The following PALM2AKAP2 variants were observed in gnomAD, a reference collection of about 807,000 sequenced individuals.
The protein encoded by PALM2AKAP2 is PALM2 and AKAP2 fusion, also known as PALM2-AKAP2 fusion protein.
In PALM2AKAP2, 37 loss-of-function variants were observed where a neutral mutation model predicts 71.5. The observed-to-expected ratio is 0.52, with a 90% CI of 0.40 to 0.68. The LOEUF is 0.68. PALM2AKAP2 is among the 30% of genes least tolerant of loss of function. PALM2AKAP2 has a pLI of 0.00. For missense variants in PALM2AKAP2, 1,224 were observed against 1,191.8 expected (o/e 1.03, Z -0.40); for synonymous variants, 468 against 478.8 (o/e 0.98, Z 0.29).
At chr9:109,803,195 A>G (rs1246547405) in intron 1 of PALM2AKAP2, among the ~76,000 whole-genome samples, 1 of 152,270 alleles carries the variant, frequency 6.6e-6, no homozygotes, top group Non-Finnish European at 1.5e-5. Context: ...GAGGAAACAC[A>G]ATAGCATATC....
intron 6 of PALM2AKAP2, among the ~76,000 whole-genome samples, chr9:110,005,830 G>A (rs1034808842): frequency 5.9e-5 from 9 of 152,200 alleles, no homozygotes; most frequent in South Asian, 2.1e-4. Flanking sequence ...TGAGCCAGGC[G>A]TGGGATACAA....
chr9:110,093,034 G>A (rs1588104475), intron 1 of PALM2AKAP2, among the ~76,000 whole-genome samples: 1 of 152,150 alleles, frequency 6.6e-6, no homozygotes, highest in East Asian at 1.9e-4. Flanking sequence ...AGACCACGGT[G>A]CAGAATGAAG....
chr9:110,118,041 C>T (rs1436846015), intron 1 of PALM2AKAP2, among the ~76,000 whole-genome samples: 1 of 148,434 alleles, frequency 6.7e-6, no homozygotes, highest in East Asian at 2.0e-4. Context: ...ATTTCTACTA[C>T]AGCCATGGAG....
intron 7 of PALM2AKAP2, among the ~76,000 whole-genome samples, chr9:110,017,530 T>A (rs1833002606): frequency 6.6e-6 from 1 of 152,154 alleles, no homozygotes; most frequent in Non-Finnish European, 1.5e-5. Context: ...CGAAGGGGAA[T>A]GGGTGCCAAT....
intron 6 of PALM2AKAP2, among the ~76,000 whole-genome samples, chr9:109,999,183 A>G (rs1245137320): frequency 6.6e-6 from 1 of 151,996 alleles, no homozygotes; most frequent in African/African-American, 2.4e-5. Flanking sequence ...TACTAAAAAT[A>G]CAAAAATTGG....
chr9:109,758,283 T>G (rs1828997110), intron 1 of PALM2AKAP2, among the ~76,000 whole-genome samples: 1 of 152,150 alleles, frequency 6.6e-6, no homozygotes, highest in Non-Finnish European at 1.5e-5. Context: ...GACATTCATT[T>G]GCTATTAGAA....
At chr9:109,664,941 A>C (rs751234908) in intron 1 of PALM2AKAP2, among the ~76,000 whole-genome samples, 1 of 152,058 alleles carries the variant, frequency 6.6e-6, no homozygotes, top group Non-Finnish European at 1.5e-5. Flanking sequence ...TTTGATCTTC[A>C]GTCACTGATA....
intron 1 of PALM2AKAP2, among the ~76,000 whole-genome samples, chr9:109,691,855 TATATATATATATACACACACACACAC>T (rs1430943257): frequency 0.08 from 3,574 of 44,526 alleles, 122 homozygotes; most frequent in East Asian, 0.14. Context: ...TATATATATA[TATATATATATATACACACACACACAC>T]ATATATATAT....
intron 1 of PALM2AKAP2, among the ~76,000 whole-genome samples, chr9:109,814,032 C>T (rs1454587716): frequency 6.6e-6 from 1 of 152,210 alleles, no homozygotes; most frequent in Non-Finnish European, 1.5e-5. Context: ...TTGACCCTAC[C>T]TTTGGCCCTT....
At chr9:109,806,215 C>G (rs530525492) in intron 1 of PALM2AKAP2, among the ~76,000 whole-genome samples, 1 of 152,260 alleles carries the variant, frequency 6.6e-6, no homozygotes, top group East Asian at 1.9e-4. Context: ...AACATAAAAA[C>G]AATTTTCTTT....
intron 1 of PALM2AKAP2, among the ~76,000 whole-genome samples, chr9:109,818,073 G>C (rs1382720054): frequency 1.3e-5 from 2 of 152,196 alleles, no homozygotes; most frequent in Non-Finnish European, 2.9e-5. Flanking sequence ...TCCTAGTGGA[G>C]GGAATTTCTT....
intron 1 of PALM2AKAP2, among the ~76,000 whole-genome samples, chr9:109,806,818 A>G (rs967929662): frequency 6.6e-6 from 1 of 152,210 alleles, no homozygotes; most frequent in African/African-American, 2.4e-5. Context: ...GGGCTGGATT[A>G]TGAAGGCATC....
intron 1 of PALM2AKAP2, among the ~76,000 whole-genome samples, chr9:110,087,861 T>C (rs1834609539): frequency 6.6e-6 from 1 of 151,986 alleles, no homozygotes; most frequent in African/African-American, 2.4e-5. Flanking sequence ...CACAGAGCCA[T>C]TTGGAGTGGT....
chr9:109,744,135 C>A (rs943044924), intron 1 of PALM2AKAP2, among the ~76,000 whole-genome samples: 1 of 152,062 alleles, frequency 6.6e-6, no homozygotes, highest in Non-Finnish European at 1.5e-5. Flanking sequence ...CAGAGAAGAA[C>A]TGAATAATGA....
Position 110,015,826 on chromosome 9 carries a change from T to C in PALM2AKAP2, c.497-128T>C, listed in dbSNP as rs1832971053. 6.2e-6 allele frequency: 5 copies of C among 812,278 alleles called. No individual in the cohort carries two copies. The South Asian group carries it at 7.7e-5, about 12-fold the overall frequency. The allele number at this position is 812,278 out of a possible 1,614,324, so 50.3% of individuals were successfully genotyped here. A position where few individuals can be genotyped will look rare whatever the true frequency, so the allele number is the denominator to read the frequency against. ...CCTAGCCCAGTAACTGCAAGATAGGTATAGAGCTATAGGTCATCATCAGCT... is the reference window on the plus strand; with the variant it reads ...CCTAGCCCAGTAACTGCAAGATAGGCATAGAGCTATAGGTCATCATCAGCT... On this transcript the variant is annotated intron_variant, in intron 6 of 9. Coordinates refer to the PALM2AKAP2 transcript ENST00000302798.
At chr9:110,020,586 G>A (rs1385203769) in intron 7 of PALM2AKAP2, among the ~76,000 whole-genome samples, 1 of 152,020 alleles carries the variant, frequency 6.6e-6, no homozygotes, top group Non-Finnish European at 1.5e-5. Context: ...GGGAGGCTGA[G>A]GAAAGAGAAT....
At chr9:110,025,335 C>T in intron 7 of PALM2AKAP2, 1 of 1,181,606 alleles carries the variant, frequency 8.5e-7, no homozygotes, top group Non-Finnish European at 1.3e-6. Flanking sequence ...GGGAGCCTCT[C>T]CTCTTTCCCT....
intron 2 of PALM2AKAP2, among the ~76,000 whole-genome samples, chr9:110,149,010 T>G (rs1836246546): frequency 6.6e-6 from 1 of 152,178 alleles, no homozygotes; most frequent in Non-Finnish European, 1.5e-5. Context: ...TGGGAGGAAT[T>G]GCAGATTCTT....
chr9:109,799,184 G>A (rs1433631857), intron 1 of PALM2AKAP2, among the ~76,000 whole-genome samples: 3 of 152,248 alleles, frequency 2.0e-5, no homozygotes, highest in African/African-American at 7.2e-5. Context: ...TTGTGATGGA[G>A]CAGAACAGTG....
Sources: gnomAD v4.1 joint callset for allele counts (sites outside exome capture counted in the v4.1 genomes callset) on GRCh38, gnomAD v4.1.1 for gene constraint, MANE v1.5 for transcripts, NCBI Gene and HGNC (gene_info 2026-07-23, HGNC 2026-07-21) for gene names.